TMEM248: variants seen among roughly 807,000 people sequenced by gnomAD.
TMEM248 encodes the protein transmembrane protein 248.
TMEM248 carries 9 observed loss-of-function variants against 30.3 expected under a neutral mutation model. The observed-to-expected ratio is 0.30, with a 90% CI of 0.18 to 0.52. The LOEUF is 0.52. Among genes scored for constraint, TMEM248 ranks in the 20% least tolerant of loss-of-function variants. The probability of loss-of-function intolerance (pLI) is 0.97; values close to 1 mark genes in which losing one functional copy is unlikely to be tolerated. For synonymous variants in TMEM248, 184 were observed against 154.4 expected (o/e 1.19, Z -1.42); for missense variants, 338 against 403.3 (o/e 0.84, Z 1.39).
chr7:66,924,584 T>G (rs1791474692), intron 1 of TMEM248, among the ~76,000 whole-genome samples: 1 of 152,192 alleles, frequency 6.6e-6, no homozygotes. Context: ...TTTCTATTTT[T>G]AGTAGAGACA....
chr7:66,943,070 GT>G (rs1201138543), intron 2 of TMEM248, among the ~76,000 whole-genome samples: 1 of 151,528 alleles, frequency 6.6e-6, no homozygotes, highest in Non-Finnish European at 1.5e-5. Context: ...CAAGTAACGA[GT>G]TTTAGCTATT....
At chr7:66,953,682 G>A (rs1419261925) in intron 6 of TMEM248, among the ~76,000 whole-genome samples, 2 of 151,812 alleles carry the variant, frequency 1.3e-5, no homozygotes, top group African/African-American at 4.8e-5. Context: ...TTGGCTCACT[G>A]CAGCCTCCGC....
At chr7:66,949,444 G>A (rs1792203446) in intron 4 of TMEM248, among the ~76,000 whole-genome samples, 1 of 152,012 alleles carries the variant, frequency 6.6e-6, no homozygotes, top group Non-Finnish European at 1.5e-5. Flanking sequence ...CTTCAGCCTG[G>A]GCAACAGCAA....
chr7:66,951,207 G>A (rs577587407), intron 5 of TMEM248, 72 bp downstream of exon 5: 21 of 1,415,852 alleles, frequency 1.5e-5, no homozygotes, highest in African/African-American at 5.9e-5. Context: ...TGCTGCAACC[G>A]TTGGTGTAGG....
intron 1 of TMEM248, among the ~76,000 whole-genome samples, chr7:66,938,540 G>A (rs1214683525): frequency 3.3e-5 from 5 of 152,078 alleles, no homozygotes; most frequent in Admixed American, 1.3e-4. Flanking sequence ...ATGGAGTCTC[G>A]CTCTATCGTC....
At chr7:66,944,527 T>C (rs1324350846) in intron 2 of TMEM248, among the ~76,000 whole-genome samples, 2 of 152,170 alleles carry the variant, frequency 1.3e-5, no homozygotes, top group Non-Finnish European at 2.9e-5. Flanking sequence ...GAGAGCAAGG[T>C]GTATGGAATT....
At chr7:66,938,914 A>G (rs1791875143) in intron 1 of TMEM248, among the ~76,000 whole-genome samples, 1 of 152,244 alleles carries the variant, frequency 6.6e-6, no homozygotes, top group African/African-American at 2.4e-5. Flanking sequence ...TTAGTACCCA[A>G]AACACAAAAG....
At chr7:66,932,838 T>C (rs1791702939) in intron 1 of TMEM248, among the ~76,000 whole-genome samples, 2 of 149,788 alleles carry the variant, frequency 1.3e-5, no homozygotes, top group Non-Finnish European at 3.0e-5. Context: ...TTATGGCAAC[T>C]GTATGTGATA....
intron 6 of TMEM248, among the ~76,000 whole-genome samples, chr7:66,953,939 CTTTTTT>C (rs34925648): frequency 2.4e-5 from 2 of 83,992 alleles, no homozygotes; most frequent in Non-Finnish European, 4.4e-5. Flanking sequence ...AGATTACTTT[CTTTTTT>C]TTTTTTTTTT....
Position 66,956,696 on chromosome 7 carries a change from T to C in TMEM248, c.*1174T>C, listed in dbSNP as rs1267653434. 1 of 152,158 alleles carries C rather than the reference T, an allele frequency of 6.6e-6. No individual in the cohort carries two copies. Among genetic ancestry groups the C allele is most frequent in the East Asian group, 1.9e-4 (1 of 5,202 alleles). The allele number at this position is 152,158 out of a possible 1,614,324, so 9.4% of individuals were successfully genotyped here. A position where few individuals can be genotyped will look rare whatever the true frequency, so the allele number is the denominator to read the frequency against. On this transcript the variant is annotated 3_prime_UTR_variant, in exon 7 of 7. Coordinates refer to ENST00000341567, the MANE Select transcript of TMEM248 (RefSeq NM_017994.5). ...TAACTTTTTTTCTTTTTCTTTTTTT[T>C]TGGAGGGGGGAGGCAGGGTCTTGCT...
chr7:66,945,191 C>G lies in TMEM248; in HGVS notation c.375C>G (p.Pro125=), dbSNP rs772446570. Residue 125 remains proline, a synonymous_variant, in exon 3 of 7, where the codon CCC becomes CCG. Coordinates refer to ENST00000341567, the MANE Select transcript of TMEM248 (RefSeq NM_017994.5). ...CCCTAACCCTGGACCCACTGAAACC[C>G]TTCGGAGGGTATTCCCGCAACGTCA... ...SITLTLDPLK[P]FGGYSRNVTH... is the part of the protein sequence containing the mutation. The G allele has an allele frequency of 8.7e-6, 14 of 1,614,082 alleles. No homozygotes were observed. In the Admixed American group the frequency reaches 2.2e-4, roughly 25 times the overall value.
chr7:66,948,343 C>T (rs990484052), intron 3 of TMEM248, among the ~76,000 whole-genome samples: 3 of 152,182 alleles, frequency 2.0e-5, no homozygotes, highest in African/African-American at 7.2e-5. Flanking sequence ...GTGGCCACTT[C>T]CTTCGCTGCT....
chr7:66,950,169 T>C (rs1296698677), intron 4 of TMEM248, among the ~76,000 whole-genome samples: 1 of 149,650 alleles, frequency 6.7e-6, no homozygotes, highest in Non-Finnish European at 1.5e-5. Flanking sequence ...GAGGTTTCAG[T>C]GAGCCGAGGT....
chr7:66,930,727 A>T (rs1373304459), intron 1 of TMEM248: 1 of 152,668 alleles, frequency 6.6e-6, no homozygotes, highest in Non-Finnish European at 1.5e-5. Flanking sequence ...AAGTGTCTTC[A>T]GCTCTAAGTG....
rs1792058829 is a variant in TMEM248 at position 66,945,063 on chromosome 7, A to C, written c.247A>C (p.Thr83Pro). Residue 83 changes from threonine (T) to proline (P), a missense_variant, in exon 3 of 7, where the codon ACA (threonine) becomes CCA (proline). Physicochemically the swap from Thr to Pro is conservative, Grantham distance 38. Coordinates refer to ENST00000341567, the MANE Select transcript of TMEM248 (RefSeq NM_017994.5). Reference sequence around the variant, plus strand: ...CCTCAAGCATCTCACAAACGACACCACAACTCCGGAAAGTACAATGACCAG... The same window carrying C: ...CCTCAAGCATCTCACAAACGACACCCCAACTCCGGAAAGTACAATGACCAG... The part of the protein sequence containing the change: ...ETLKHLTNDT[T>P]TPESTMTSGQ... 6.2e-7 allele frequency: 1 copy of C among 1,614,252 alleles called. No homozygotes were observed. Among genetic ancestry groups the C allele is most frequent in the East Asian group, 2.2e-5 (1 of 44,886 alleles).
intron 1 of TMEM248, among the ~76,000 whole-genome samples, chr7:66,925,546 A>G (rs1281601737): frequency 1.3e-5 from 2 of 152,064 alleles, no homozygotes; most frequent in African/African-American, 4.8e-5. Flanking sequence ...TATTTCTCTT[A>G]GTATAACGTT....
Position 66,944,999 on chromosome 7 carries a change from G to A in TMEM248, c.183G>A (p.Arg61=), listed in dbSNP as rs1441737715. 1.2e-6 allele frequency: 2 copies of A among 1,614,170 alleles called. No individual in the cohort carries two copies. The highest frequency in any genetic ancestry group is 3.3e-5 in the Admixed American group (2 of 60,018). The change falls in exon 3 of 7, where the codon CGG becomes CGA. Residue 61 remains arginine (R), a synonymous_variant. Transcript: ENST00000341567. ...AGGATTGGAATACTTTTCTGCTACGGTTCAATGATTTGGACTTGTGTGTAT... is the reference window on the plus strand; with the variant it reads ...AGGATTGGAATACTTTTCTGCTACGATTCAATGATTTGGACTTGTGTGTAT... The part of the protein sequence containing the change: ...MAEDWNTFLL[R]FNDLDLCVSE...
At chr7:66,952,510 G>C (rs1792292704) in intron 5 of TMEM248, among the ~76,000 whole-genome samples, 2 of 152,196 alleles carry the variant, frequency 1.3e-5, no homozygotes, top group Non-Finnish European at 2.9e-5. Flanking sequence ...GTGGGTGTTG[G>C]TAAAGCAGTG....
In TMEM248 at chr7:66,941,995, AAGG is replaced by A; in HGVS notation, c.133_135del (p.Glu45del). On this transcript the variant is annotated inframe_deletion, in exon 2 of 7. Coordinates refer to ENST00000341567, the MANE Select transcript of TMEM248 (RefSeq NM_017994.5). ...GACCCTGGGCTACTTCTTCAAAATC[AAGG>A]AGATTAAATCCCCAGAAATGGCAGA... is the stretch of plus-strand genomic sequence containing the variant. 3 of 1,614,148 alleles carry A rather than the reference AAGG, an allele frequency of 1.9e-6. No homozygotes were observed. The highest frequency in any genetic ancestry group is 2.5e-6 in the Non-Finnish European group (3 of 1,180,014).
Sources: gnomAD v4.1 joint callset for allele counts (sites outside exome capture counted in the v4.1 genomes callset) on GRCh38, gnomAD v4.1.1 for gene constraint, MANE v1.5 for transcripts, NCBI Gene and HGNC (gene_info 2026-07-23, HGNC 2026-07-21) for gene names.